The following PCDHA6 variants were observed in gnomAD, a reference collection of about 807,000 sequenced individuals.
PCDHA6 encodes the protein protocadherin alpha 6.
A neutral mutation model predicts 60.3 loss-of-function variants in PCDHA6; 55 were observed. The observed-to-expected ratio is 0.91, with a 90% CI of 0.73 to 1.14. The LOEUF (loss-of-function observed/expected upper bound fraction) is 1.14, where lower values mean the gene tolerates loss of function less well. Among genes scored for constraint, PCDHA6 ranks in the 50% most tolerant of loss-of-function variants. PCDHA6 has a pLI of 0.00. For synonymous variants in PCDHA6, 652 were observed against 557.9 expected, an observed-to-expected ratio of 1.17 and a Z score of -2.38; for missense variants, 1,327 against 1,256.5, an observed-to-expected ratio of 1.06 and a Z score of -0.85.
At chr5:140,957,043 A>C (rs2095328677) in intron 1 of PCDHA6, among the ~76,000 whole-genome samples, 3 of 152,196 alleles carry the variant, frequency 2.0e-5, no homozygotes, top group Admixed American at 2.0e-4. Flanking sequence ...GGAGTCATAT[A>C]AAATAAATTA....
chr5:140,884,721 T>C, intron 1 of PCDHA6: 1 of 1,464,684 alleles, frequency 6.8e-7, no homozygotes, highest in South Asian at 1.5e-5. Flanking sequence ...TTGCAGTTGT[T>C]TGTTTAAGAC....
chr5:140,976,054 G>A (rs1554237225), intron 1 of PCDHA6, among the ~76,000 whole-genome samples: 1 of 152,134 alleles, frequency 6.6e-6, no homozygotes, highest in African/African-American at 2.4e-5. Context: ...AATTGTGATA[G>A]TAATATATGT....
intron 1 of PCDHA6, among the ~76,000 whole-genome samples, chr5:140,909,973 G>A (rs2074802854): frequency 6.6e-6 from 1 of 152,198 alleles, no homozygotes; most frequent in Admixed American, 6.5e-5. Context: ...GGGGAAGGAT[G>A]GGAGAAAGAC....
chr5:140,896,486 C>T (rs2065571972), intron 1 of PCDHA6, among the ~76,000 whole-genome samples: 2 of 151,948 alleles, frequency 1.3e-5, no homozygotes, highest in African/African-American at 4.8e-5. Context: ...CCTCAGCCTC[C>T]TGAGTAGCTG....
intron 1 of PCDHA6, among the ~76,000 whole-genome samples, chr5:140,886,770 G>A (rs1554182701): frequency 6.8e-6 from 1 of 146,884 alleles, no homozygotes; most frequent in Non-Finnish European, 1.5e-5. Context: ...AGGTTGCAGT[G>A]AGATGAGATC....
intron 1 of PCDHA6, chr5:140,852,049 T>C (rs2042227542): frequency 2.2e-6 from 2 of 915,990 alleles, no homozygotes; most frequent in Non-Finnish European, 2.7e-6. Flanking sequence ...TGTTATGTGG[T>C]TTATATTTTT....
intron 1 of PCDHA6, among the ~76,000 whole-genome samples, chr5:140,896,091 G>A (rs1353012571): frequency 2.0e-5 from 3 of 152,104 alleles, no homozygotes; most frequent in African/African-American, 2.4e-5. Flanking sequence ...GATTACAGGC[G>A]TGAGCCACTG....
intron 1 of PCDHA6, chr5:140,881,315 A>G: frequency 1.0e-6 from 1 of 981,768 alleles, no homozygotes; most frequent in Non-Finnish European, 1.2e-6. Flanking sequence ...TCCTGGTTAA[A>G]TTCTATTTAA....
chr5:140,927,910 C>A lies in PCDHA6; in HGVS notation c.2395-51039C>A, dbSNP rs782484227. 2.5e-6 allele frequency: 4 copies of A among 1,614,216 alleles called. No homozygotes were observed. In the South Asian group the frequency reaches 3.3e-5, roughly 13 times the overall value. On this transcript the variant is annotated intron_variant, in intron 1 of 3. Transcript: ENST00000529310. ...TGACGTGAACGATCATGCCCCCGAACTGGACTTCCTGACTCTTTCGAACCC... is the reference window on the plus strand; with the variant it reads ...TGACGTGAACGATCATGCCCCCGAAATGGACTTCCTGACTCTTTCGAACCC...
intron 1 of PCDHA6, chr5:140,843,375 G>A: frequency 1.3e-6 from 2 of 1,596,166 alleles, no homozygotes; most frequent in Non-Finnish European, 1.7e-6. Flanking sequence ...CAGTCGGCTG[G>A]CGTTTTGGGT....
At chr5:140,943,726 A>G (rs181662166) in intron 1 of PCDHA6, among the ~76,000 whole-genome samples, 8 of 152,372 alleles carry the variant, frequency 5.3e-5, no homozygotes, top group Middle Eastern at 3.4e-3. Flanking sequence ...GTCTGAGAGA[A>G]TGAAAGTCCA....
intron 1 of PCDHA6, among the ~76,000 whole-genome samples, chr5:140,846,416 C>T (rs1275676707): frequency 1.5e-5 from 2 of 134,880 alleles, no homozygotes; most frequent in African/African-American, 5.4e-5. Context: ...GCTCTATCTC[C>T]CAGGCTGGAA....
At position 140,879,699 on chromosome 5, in the gene PCDHA6, A is replaced by G. The variant is rs952913043; in HGVS notation, c.2394+49214A>G. Among the ~76,000 whole-genome samples the G allele has an allele frequency of 2.6e-5, 4 of 152,218 alleles. No individual in the cohort carries two copies. In the South Asian group the frequency reaches 8.3e-4, roughly 32 times the overall value. The stretch of plus-strand genomic sequence containing the variant: ...TGCTGTAAAACAGCAAAAGTTTATT[A>G]TTTCTCAGTATTGGAGACCAGAAGT... On this transcript the variant is annotated intron_variant, in intron 1 of 3. Coordinates refer to ENST00000529310, the MANE Select transcript of PCDHA6 (RefSeq NM_018909.4).
chr5:140,865,443 G>A (rs192930935), intron 1 of PCDHA6: 1 of 152,292 alleles, frequency 6.6e-6, no homozygotes, highest in East Asian at 1.9e-4. Context: ...TAACTTCTGA[G>A]AAGATGATTT....
In PCDHA6 at chr5:140,886,468, T is replaced by C. The variant is rs138596929; in HGVS notation, c.2394+55983T>C. The stretch of plus-strand genomic sequence containing the variant: ...TAATTTTGTCATATATAAATGTTTT[T>C]AAAATGTATGAATTAAAATATATCT... On this transcript the variant is annotated intron_variant, in intron 1 of 3. Coordinates refer to ENST00000529310, the MANE Select transcript of PCDHA6 (RefSeq NM_018909.4). Among the ~76,000 whole-genome samples, 1,063 of 152,318 alleles carry C rather than the reference T, an allele frequency of 7.0e-3. 10 individuals carry two copies. Among genetic ancestry groups the C allele is most frequent in the Non-Finnish European group, 0.012 (787 of 68,024 alleles).
chr5:140,866,808 G>C (rs995846650), intron 1 of PCDHA6: 1 of 152,114 alleles, frequency 6.6e-6, no homozygotes, highest in East Asian at 1.9e-4. Context: ...CAGGCACAAA[G>C]TTCCTTAATC....
chr5:140,861,903 A>G (rs115177043), intron 1 of PCDHA6: 3,607 of 155,014 alleles, frequency 0.023, 51 homozygotes, highest in Middle Eastern at 0.034. Flanking sequence ...AAAGCATTAT[A>G]TATCACAGCG....
Position 140,850,357 on chromosome 5 carries a change from C to T in PCDHA6, c.2394+19872C>T, listed in dbSNP as rs146638035. On this transcript the variant is annotated intron_variant, in intron 1 of 3. Coordinates refer to ENST00000529310, the MANE Select transcript of PCDHA6 (RefSeq NM_018909.4). ...CCAGAAACGGCCAGCGCGAGCATCC[C>T]GTTCCGCGTGGGGCTGTACACGGGC... 66 of 1,597,856 alleles carry T rather than the reference C, an allele frequency of 4.1e-5. 3 individuals carry two copies. The African/African-American group carries it at 6.2e-4, about 15-fold the overall frequency.
At chr5:140,876,056 T>G in intron 1 of PCDHA6, 1 of 1,613,918 alleles carries the variant, frequency 6.2e-7, no homozygotes, top group Non-Finnish European at 8.5e-7. Flanking sequence ...CCTGAATTAG[T>G]TCTTCGGAAG....
Sources: allele counts gnomAD v4.1 joint callset (sites outside exome capture counted in the v4.1 genomes callset), GRCh38; gene constraint gnomAD v4.1.1; transcripts MANE v1.5; gene names NCBI Gene and HGNC (gene_info 2026-07-23, HGNC 2026-07-21).